The following CPNE5 variants were observed in gnomAD, a reference collection of about 807,000 sequenced individuals.
CPNE5 encodes the protein copine 5.
CPNE5 carries 42 observed loss-of-function variants against 81.1 expected under a neutral mutation model. The observed-to-expected ratio is 0.52, with a 90% CI of 0.40 to 0.67. CPNE5 has a LOEUF of 0.67. Ranked by LOEUF, CPNE5 falls within the 30% of genes least tolerant of loss-of-function variation. The pLI, the probability that CPNE5 is intolerant of heterozygous loss-of-function variation, is 0.00. For synonymous variants in CPNE5, 313 were observed against 321.5 expected (o/e 0.97, Z 0.28); for missense variants, 612 against 815.5 (o/e 0.75, Z 3.04).
At chr6:36,745,864 G>A (rs1398621613) in intron 16 of CPNE5, among the ~76,000 whole-genome samples, 1 of 152,168 alleles carries the variant, frequency 6.6e-6, no homozygotes, top group Non-Finnish European at 1.5e-5. Context: ...ATCTGTCCAC[G>A]TGCACACTGG....
chr6:36,808,524 G>A (rs1049659479), intron 3 of CPNE5, among the ~76,000 whole-genome samples: 2 of 152,166 alleles, frequency 1.3e-5, no homozygotes, highest in African/African-American at 2.4e-5. Context: ...CATGGCTGCA[G>A]AACATTGGGG....
chr6:36,742,023 A>C lies in CPNE5; in HGVS notation c.*245T>G. ...CTGGGTTAGAGCCAGGTATTGGGGA[A>C]GAAGAGAAGGGCTGGGTCCCTGTGT... On this transcript the variant is annotated 3_prime_UTR_variant, in exon 21 of 21. Coordinates refer to ENST00000244751, the MANE Select transcript of CPNE5 (RefSeq NM_020939.2). 1 of 488,712 alleles carries C rather than the reference A, an allele frequency of 2.0e-6. No individual in the cohort carries two copies. The highest frequency in any genetic ancestry group is 3.6e-6 in the Non-Finnish European group (1 of 275,124). The allele number at this position is 488,712 out of a possible 1,614,324, so 30.3% of individuals were successfully genotyped here. A position where few individuals can be genotyped will look rare whatever the true frequency, so the allele number is the denominator to read the frequency against.
At chr6:36,774,860 G>A (rs1228043852) in intron 10 of CPNE5, 101 bp downstream of exon 10, 35 of 893,108 alleles carry the variant, frequency 3.9e-5, no homozygotes, top group Non-Finnish European at 3.8e-5. Context: ...CATTTCTACT[G>A]ATGGGACTGA....
chr6:36,762,520 A>G (rs1766147268), intron 12 of CPNE5, among the ~76,000 whole-genome samples: 1 of 152,184 alleles, frequency 6.6e-6, no homozygotes, highest in South Asian at 2.1e-4. Context: ...TAAGATACTC[A>G]GCAGGCCCTG....
intron 3 of CPNE5, among the ~76,000 whole-genome samples, chr6:36,812,359 G>A (rs1169261173): frequency 6.6e-6 from 1 of 152,166 alleles, no homozygotes; most frequent in African/African-American, 2.4e-5. Flanking sequence ...TCTTATTTAA[G>A]GAGGGGAAGG....
chr6:36,765,916 GT>G, intron 10 of CPNE5, among the ~76,000 whole-genome samples: 1 of 152,238 alleles, frequency 6.6e-6, no homozygotes, highest in East Asian at 1.9e-4. Flanking sequence ...TGGCTCCTGA[GT>G]GAGGGTGTAA....
chr6:36,753,576 C>T (rs1222907777), intron 13 of CPNE5, among the ~76,000 whole-genome samples: 8 of 152,232 alleles, frequency 5.3e-5, no homozygotes, highest in Non-Finnish European at 1.0e-4. Context: ...AGCTATTAGT[C>T]CTGAAATGTG....
chr6:36,828,958 AGTT>A (rs1780827652), intron 1 of CPNE5, among the ~76,000 whole-genome samples: 1 of 152,150 alleles, frequency 6.6e-6, no homozygotes, highest in South Asian at 2.1e-4. Context: ...CCCTCCCAGG[AGTT>A]TTGTGAGATT....
At chr6:36,742,517 G>A in intron 20 of CPNE5, 31 bp from the exon 21 acceptor site, 7 of 1,595,478 alleles carry the variant, frequency 4.4e-6, no homozygotes, top group Non-Finnish European at 6.0e-6. Flanking sequence ...GTCAGGCAGT[G>A]CCTCCTGTGG....
chr6:36,745,560 A>T, intron 16 of CPNE5, 45 bp from the exon 17 acceptor site: 1 of 1,542,836 alleles, frequency 6.5e-7, no homozygotes, highest in Non-Finnish European at 8.8e-7. Flanking sequence ...AAGGAAGGAC[A>T]GGGGTGCACG....
chr6:36,785,223 C>T (rs1479336318), intron 8 of CPNE5, among the ~76,000 whole-genome samples: 1 of 152,120 alleles, frequency 6.6e-6, no homozygotes, highest in Admixed American at 6.6e-5. Context: ...CCTCCCTCCC[C>T]TGAAGAGGGC....
intron 15 of CPNE5, among the ~76,000 whole-genome samples, chr6:36,747,512 T>A (rs1271160341): frequency 6.6e-6 from 1 of 152,240 alleles, no homozygotes; most frequent in Non-Finnish European, 1.5e-5. Flanking sequence ...CTCAGTGTTA[T>A]TATTACTAAG....
intron 12 of CPNE5, among the ~76,000 whole-genome samples, chr6:36,760,699 C>T (rs144723398): frequency 6.8e-4 from 103 of 152,284 alleles, no homozygotes; most frequent in African/African-American, 2.3e-3. Context: ...GAAGCCGGCT[C>T]GCCAGGAGGA....
chr6:36,771,238 C>T (rs922092061), intron 10 of CPNE5, among the ~76,000 whole-genome samples: 19 of 152,214 alleles, frequency 1.2e-4, no homozygotes, highest in Admixed American at 7.2e-4. Flanking sequence ...CCCAGATGCA[C>T]CCTGGTCACA....
chr6:36,823,078 A>G lies in CPNE5; in HGVS notation c.116T>C (p.Met39Thr). The G allele has an allele frequency of 6.3e-7, 1 of 1,576,118 alleles. No homozygotes were observed. The highest frequency in any genetic ancestry group is 1.2e-5 in the South Asian group (1 of 83,134). The change falls in exon 2 of 21, where the codon ATG becomes ACG. Residue 39 changes from methionine (M) to threonine (T), a missense_variant. By Grantham distance (81) the Met-to-Thr change is moderately conservative. Transcript: ENST00000244751. ...CTTACGTGGGTCGGACTTGGAAAAC[A>G]TGTCTTTGTCCAGGAGGTTCCTGAA... ...VSCRNLLDKD[M>T]FSKSDPLCVM...
chr6:36,827,279 C>A (rs1772582175), intron 1 of CPNE5: 1 of 974,040 alleles, frequency 1.0e-6, no homozygotes, highest in African/African-American at 1.8e-5. Context: ...CATCCCTCTC[C>A]CTAACTGCCT....
chr6:36,746,455 C>T lies in CPNE5; in HGVS notation c.1141G>A (p.Ala381Thr). Residue 381 changes from alanine to threonine, a missense_variant, in exon 16 of 21, where the codon GCC becomes ACC. Coordinates refer to ENST00000244751, the MANE Select transcript of CPNE5 (RefSeq NM_020939.2). This position sits in a 1 kb window ranked among gnomAD's most constrained non-coding sequence, Gnocchi z 4.5. ...GGCAGCTTGGCCCCGAAGCCCAGGGCAGGGAACATCTTGTCACTGTCGTAG... is the reference window on the plus strand; with the variant it reads ...GGCAGCTTGGCCCCGAAGCCCAGGGTAGGGAACATCTTGTCACTGTCGTAG... Reference protein sequence around the residue: ...QHYDSDKMFPALGFGAKLPPD... With the variant: ...QHYDSDKMFPTLGFGAKLPPD... 1 of 1,613,584 alleles carries T rather than the reference C, an allele frequency of 6.2e-7. No individual in the cohort carries two copies.
intron 20 of CPNE5, chr6:36,743,011 G>C: frequency 1.0e-6 from 1 of 985,408 alleles, no homozygotes; most frequent in Non-Finnish European, 1.2e-6. Context: ...CCAGGCCTTA[G>C]CATGGGCCGG....
At chr6:36,777,423 C>A (rs1767610066) in intron 9 of CPNE5, among the ~76,000 whole-genome samples, 1 of 152,064 alleles carries the variant, frequency 6.6e-6, no homozygotes, top group South Asian at 2.1e-4. Context: ...TTGCAGTGCA[C>A]CCCTCTCCTG....
Sources: gnomAD v4.1 joint callset for allele counts (sites outside exome capture counted in the v4.1 genomes callset) on GRCh38, gnomAD v4.1.1 for gene constraint, Gnocchi (gnomAD v3.1) non-coding constraint, MANE v1.5 for transcripts, NCBI Gene and HGNC (gene_info 2026-07-23, HGNC 2026-07-21) for gene names.